The following COPE variants were observed in gnomAD, a reference collection of about 807,000 sequenced individuals.
The protein encoded by COPE is coat protein complex I subunit epsilon, also known as coatomer subunit epsilon.
A neutral mutation model predicts 42.1 loss-of-function variants in COPE; 19 were observed. The ratio of observed to expected loss-of-function variants is 0.45; its 90% CI spans 0.31 to 0.66. The LOEUF (loss-of-function observed/expected upper bound fraction) is 0.66. Ranked by LOEUF, COPE falls within the 30% of genes least tolerant of loss-of-function variation. COPE has a pLI of 0.05. For synonymous variants in COPE, 195 were observed against 181.3 expected (o/e 1.08, Z -0.60); for missense variants, 402 against 416.1 (o/e 0.97, Z 0.30).
At chr19:18,902,119 G>A (rs1158349726) in intron 7 of COPE, among the ~76,000 whole-genome samples, 3 of 146,624 alleles carry the variant, frequency 2.0e-5, no homozygotes, top group Non-Finnish European at 4.5e-5. Flanking sequence ...GGCAGAGCTT[G>A]CAGTGAGCCG....
intron 8 of COPE, 68 bp from the exon 9 acceptor site, chr19:18,900,015 C>G: frequency 7.0e-7 from 1 of 1,431,210 alleles, no homozygotes; most frequent in Non-Finnish European, 9.6e-7. Flanking sequence ...ACCTGCTGGA[C>G]AGGGGTGGAT....
intron 7 of COPE, 66 bp from the exon 8 acceptor site, chr19:18,900,515 C>T: frequency 7.7e-7 from 1 of 1,303,946 alleles, no homozygotes; most frequent in Non-Finnish European, 1.1e-6. Context: ...TGCCCGTCAC[C>T]CCCACCTCAG....
At chr19:18,905,002 C>T (rs1313191477) in intron 5 of COPE, 150 bp from the exon 6 acceptor site, 10 of 787,630 alleles carry the variant, frequency 1.3e-5, no homozygotes, top group East Asian at 2.7e-5. Flanking sequence ...ACTAAGTGCC[C>T]GAGCCACCCT....
intron 2 of COPE, 142 bp downstream of exon 2, chr19:18,912,842 T>C: frequency 1.4e-6 from 1 of 723,378 alleles, no homozygotes. Context: ...CTGCGCTGGC[T>C]GTTCACAGTC....
intron 7 of COPE, among the ~76,000 whole-genome samples, chr19:18,902,788 G>GGAAA: frequency 1.5e-5 from 1 of 67,868 alleles, no homozygotes; most frequent in African/African-American, 2.1e-4. Context: ...AAGGAAGGAA[G>GGAAA]GAAGGAAGGA....
rs377486646 is a variant in COPE at position 18,899,694 on chromosome 19, G to A, written c.912C>T (p.Tyr304=). 1.5e-4 allele frequency: 240 copies of A among 1,613,478 alleles called. No individual in the cohort carries two copies. The highest frequency in any genetic ancestry group is 2.0e-4 in the Non-Finnish European group (234 of 1,179,986). ...ENDFDRLVLQ[Y]APSA ...TGGGCCAGCCTCAGGCGCTGGGAGC[G>A]TACTGTAGCACCAGCCTGTCAAAGT... is the stretch of plus-strand genomic sequence containing the variant. The change falls in exon 10 of 10, where the codon TAC becomes TAT. Residue 304 remains tyrosine (Y), a synonymous_variant. Coordinates refer to ENST00000262812, the MANE Select transcript of COPE (RefSeq NM_007263.4).
chr19:18,911,841 C>T (rs1254027412), intron 2 of COPE, among the ~76,000 whole-genome samples: 3 of 150,836 alleles, frequency 2.0e-5, no homozygotes, highest in Admixed American at 6.6e-5. Context: ...TGTGAGCCAC[C>T]ACGCCCGGCC....
Position 18,899,576 on chromosome 19 carries a change from CTGCCCCCAGAGGGGA to C in COPE, c.*88_*102del. On this transcript the variant is annotated 3_prime_UTR_variant, in exon 10 of 10. Coordinates refer to ENST00000262812, the MANE Select transcript of COPE (RefSeq NM_007263.4). Reference sequence around the variant, plus strand: ...AGATGGGGGTGCTGGGGGTGGGCTCCTGCCCCCAGAGGGGATGCAGGTGGATGCCGGGTGGGGAGG... The same window carrying C: ...AGATGGGGGTGCTGGGGGTGGGCTCCTGCAGGTGGATGCCGGGTGGGGAGG... The C allele has an allele frequency of 8.0e-7, 1 of 1,254,362 alleles. No individual in the cohort carries two copies. The highest frequency in any genetic ancestry group is 1.2e-5 in the South Asian group (1 of 80,504). The allele number at this position is 1,254,362 out of a possible 1,614,324, so 77.7% of individuals were successfully genotyped here. A position where few individuals can be genotyped will look rare whatever the true frequency, so the allele number is the denominator to read the frequency against.
rs1395968617 is a variant in COPE, at chr19:18,902,789, G to GA, written c.735+478dup. On this transcript the variant is annotated intron_variant, in intron 7 of 9. Transcript: ENST00000262812. ...GAAGGGAAAGAAGGAAGGAAGGAAG[G>GA]AAGGAAGGAAGGAAGGAAGGAAGGA... Among the ~76,000 whole-genome samples, 121 of 28,366 alleles carry GA rather than the reference G, an allele frequency of 4.3e-3. 14 individuals are homozygous for GA. The highest frequency in any genetic ancestry group is 6.2e-3 in the South Asian group (9 of 1,454). The allele number at this position is 28,366 out of a possible 152,430, so 18.6% of individuals were successfully genotyped here. A position where few individuals can be genotyped will look rare whatever the true frequency, so the allele number is the denominator to read the frequency against.
At chr19:18,905,762 C>T in intron 4 of COPE, 133 bp from the exon 5 acceptor site, 1 of 804,678 alleles carries the variant, frequency 1.2e-6, no homozygotes, top group South Asian at 1.7e-5. Flanking sequence ...CCCCGCCCAG[C>T]AGAGGAGGAC....
At chr19:18,907,206 G>A in intron 3 of COPE, 94 bp from the exon 4 acceptor site, 4 of 1,388,122 alleles carry the variant, frequency 2.9e-6, no homozygotes, top group Non-Finnish European at 2.9e-6. Context: ...GTCCAGAGAG[G>A]GTGAGCCAGG....
At chr19:18,915,479 A>G (rs1383713588) in intron 1 of COPE, among the ~76,000 whole-genome samples, 2 of 152,170 alleles carry the variant, frequency 1.3e-5, no homozygotes, top group African/African-American at 4.8e-5. Context: ...ACTTCCAGGG[A>G]CGATCCTACC....
At chr19:18,900,923 A>G (rs2056692668) in intron 7 of COPE, among the ~76,000 whole-genome samples, 1 of 152,206 alleles carries the variant, frequency 6.6e-6, no homozygotes, top group Non-Finnish European at 1.5e-5. Flanking sequence ...CAGGAGACCC[A>G]GCCAGAGCCC....
At chr19:18,914,530 G>A (rs374447594) in intron 1 of COPE, among the ~76,000 whole-genome samples, 4 of 151,944 alleles carry the variant, frequency 2.6e-5, no homozygotes, top group African/African-American at 9.6e-5. Context: ...GACAGAGCAA[G>A]ACTCCATCTC....
At chr19:18,905,942 GCATCAA>G (rs1216682110) in intron 4 of COPE, 1 of 508,834 alleles carries the variant, frequency 2.0e-6, no homozygotes, top group Non-Finnish European at 3.4e-6. Context: ...CACCCTGGAG[GCATCAA>G]CACTCAGGAA....
At chr19:18,903,504 G>A (rs1251695499) in intron 6 of COPE, 81 bp from the exon 7 acceptor site, 6 of 1,481,200 alleles carry the variant, frequency 4.1e-6, no homozygotes, top group Non-Finnish European at 5.5e-6. Flanking sequence ...TAGCGGGGGG[G>A]ACTCCAGCAC....
At chr19:18,907,762 G>A (rs79083830) in intron 3 of COPE, among the ~76,000 whole-genome samples, 1,963 of 152,338 alleles carry the variant, frequency 0.013, 45 homozygotes, top group African/African-American at 0.045. Context: ...AGGCAGGTGA[G>A]GGGGCCACCC....
At chr19:18,905,298 C>T (rs1277810233) in intron 5 of COPE, among the ~76,000 whole-genome samples, 1 of 152,150 alleles carries the variant, frequency 6.6e-6, no homozygotes, top group African/African-American at 2.4e-5. Flanking sequence ...CATGTTGCTC[C>T]AGGCACAACC....
chr19:18,914,264 G>T (rs1211524468), intron 1 of COPE, among the ~76,000 whole-genome samples: 1 of 152,150 alleles, frequency 6.6e-6, no homozygotes, highest in Non-Finnish European at 1.5e-5. Flanking sequence ...TATAGGCCGG[G>T]CATGGTAGCT....
Sources: gnomAD v4.1 joint callset for allele counts (sites outside exome capture counted in the v4.1 genomes callset) on GRCh38, gnomAD v4.1.1 for gene constraint, MANE v1.5 for transcripts, NCBI Gene and HGNC (gene_info 2026-07-23, HGNC 2026-07-21) for gene names.